MED13L: variants seen among roughly 807,000 people sequenced by gnomAD.
MED13L encodes mediator of RNA polymerase II transcription subunit 13-like.
Under a neutral mutation model 220.9 loss-of-function variants are expected in MED13L, and 7 were observed. The ratio of observed to expected loss-of-function variants is 0.03; its 90% CI spans 0.02 to 0.06. The LOEUF is 0.06. MED13L is among the 10% of genes least tolerant of loss of function. The pLI, the probability that MED13L is intolerant of heterozygous loss-of-function variation, is 1.00. For missense variants in MED13L, 1,965 were observed against 2,760.5 expected (o/e 0.71, Z 6.46); for synonymous variants, 1,011 against 1,015.2 (o/e 1.00, Z 0.08).
chr12:116,110,541 A>C (rs1873992941), intron 3 of MED13L, among the ~76,000 whole-genome samples: 1 of 152,208 alleles, frequency 6.6e-6, no homozygotes, highest in Non-Finnish European at 1.5e-5. Flanking sequence ...GTCTAAAACA[A>C]ATAAATGAAA....
chr12:116,172,998 G>C (rs1365599617), intron 2 of MED13L, among the ~76,000 whole-genome samples: 4 of 149,736 alleles, frequency 2.7e-5, no homozygotes, highest in Admixed American at 6.7e-5. Context: ...CCCAGTCCAG[G>C]AGCTAAGATG....
chr12:116,143,610 G>T (rs779303875), intron 2 of MED13L, among the ~76,000 whole-genome samples: 1 of 152,126 alleles, frequency 6.6e-6, no homozygotes, highest in Non-Finnish European at 1.5e-5. Flanking sequence ...ACTCATTTCC[G>T]TTATTCTCTG....
At chr12:116,104,766 A>T (rs945550870) in intron 3 of MED13L, among the ~76,000 whole-genome samples, 2 of 152,234 alleles carry the variant, frequency 1.3e-5, no homozygotes, top group African/African-American at 4.8e-5. Context: ...TTCTATTGAA[A>T]TTAACATATA....
chr12:116,229,486 T>G (rs1052174013), intron 2 of MED13L, among the ~76,000 whole-genome samples: 1 of 152,182 alleles, frequency 6.6e-6, no homozygotes, highest in Non-Finnish European at 1.5e-5. Context: ...CATAAGCCCT[T>G]TACATGCTAC....
chr12:116,019,705 C>A, intron 6 of MED13L, 73 bp downstream of exon 6: 2 of 1,495,158 alleles, frequency 1.3e-6, no homozygotes, highest in Non-Finnish European at 1.9e-6. Flanking sequence ...TCTGAAGAAT[C>A]TAAATGATTA....
At chr12:116,260,366 C>T (rs748294555) in intron 1 of MED13L, among the ~76,000 whole-genome samples, 2 of 152,086 alleles carry the variant, frequency 1.3e-5, no homozygotes, top group Non-Finnish European at 2.9e-5. Context: ...TCCATTTTAG[C>T]GCTTAACTGA....
chr12:116,114,026 T>C (rs1212085603), intron 2 of MED13L, among the ~76,000 whole-genome samples: 2 of 152,146 alleles, frequency 1.3e-5, no homozygotes, highest in Non-Finnish European at 2.9e-5. Context: ...CCTAAATACT[T>C]CAGCGTGCAT....
chr12:116,120,477 T>TCACACA lies in MED13L; in HGVS notation c.311-8971_311-8966dup, dbSNP rs1158069310. 6.6e-3 allele frequency among the ~76,000 whole-genome samples: 521 copies of TCACACA among 79,440 alleles called. 5 individuals carry two copies. The highest frequency in any genetic ancestry group is 7.8e-3 in the Non-Finnish European group (329 of 42,356). The allele number at this position is 79,440 out of a possible 152,430, so 52.1% of individuals were successfully genotyped here. On this transcript the variant is annotated intron_variant, in intron 2 of 30. Transcript: ENST00000281928. ...CTCTCTCTCTCTCTCTCTCTCTCTC[T>TCACACA]CACACACACACACACACACACACAC...
At chr12:116,188,464 C>T (rs535596899) in intron 2 of MED13L, among the ~76,000 whole-genome samples, 12 of 152,164 alleles carry the variant, frequency 7.9e-5, no homozygotes, top group Admixed American at 1.3e-4. Flanking sequence ...GCAAATGAGT[C>T]CCTAGCTAGT....
intron 4 of MED13L, among the ~76,000 whole-genome samples, chr12:116,036,275 T>A (rs545569500): frequency 6.6e-6 from 1 of 152,330 alleles, no homozygotes; most frequent in African/African-American, 2.4e-5. Context: ...TGAAAGAAGT[T>A]TAATCATCAA....
At position 116,096,654 on chromosome 12, in the gene MED13L, A is replaced by G; in HGVS notation, c.479+15T>C. 1.2e-6 allele frequency: 2 copies of G among 1,610,892 alleles called. No individual in the cohort carries two copies. Among genetic ancestry groups the G allele is most frequent in the South Asian group, 1.1e-5 (1 of 91,032 alleles). On this transcript the variant is annotated intron_variant, in intron 4 of 30. Coordinates refer to ENST00000281928, the MANE Select transcript of MED13L (RefSeq NM_015335.5). ...CCAAAGAAACCAAAAAGCCAAGAGC[A>G]TTCTAAAGGCTCACCTTTTGTTGAC...
intron 1 of MED13L, among the ~76,000 whole-genome samples, chr12:116,241,003 G>T (rs996104306): frequency 6.6e-6 from 1 of 152,040 alleles, no homozygotes. Flanking sequence ...GGAAGAGAAA[G>T]AAGGTAATAA....
intron 4 of MED13L, among the ~76,000 whole-genome samples, chr12:116,038,641 A>T: frequency 6.6e-6 from 1 of 150,960 alleles, no homozygotes; most frequent in East Asian, 2.0e-4. Flanking sequence ...ACAGTGGGAG[A>T]AATGACCCGC....
chr12:116,076,370 C>T (rs1192075117), intron 4 of MED13L, among the ~76,000 whole-genome samples: 1 of 152,042 alleles, frequency 6.6e-6, no homozygotes, highest in East Asian at 1.9e-4. Context: ...GACTCTATCT[C>T]TACAATAAAT....
chr12:116,270,413 G>A (rs921269703), intron 1 of MED13L, among the ~76,000 whole-genome samples: 3 of 152,042 alleles, frequency 2.0e-5, no homozygotes, highest in African/African-American at 7.2e-5. Flanking sequence ...GCAAAGTGAT[G>A]GGATTACAGG....
rs200960898 is a variant in MED13L at position 115,991,456 on chromosome 12, C to T, written c.3498G>A (p.Ala1166=). The change falls in exon 17 of 31, where the codon GCG becomes GCA. Residue 1166 remains alanine (A), a synonymous_variant. Coordinates refer to ENST00000281928, the MANE Select transcript of MED13L (RefSeq NM_015335.5). This position sits in a 1 kb window ranked among gnomAD's most constrained non-coding sequence, Gnocchi z 7.7. ...DQYRCTCGFS[A]IMNRKLGYNS... ...TGTAGCCAAGTTTGCGGTTCATAAT[C>T]GCACTAAACCCACAGGTACAGCGGT... 6.8e-6 allele frequency: 11 copies of T among 1,614,014 alleles called. No individual in the cohort carries two copies. Among genetic ancestry groups the T allele is most frequent in the Non-Finnish European group, 9.3e-6 (11 of 1,180,042 alleles).
intron 1 of MED13L, among the ~76,000 whole-genome samples, chr12:116,256,130 T>C (rs1442154589): frequency 2.0e-5 from 3 of 152,152 alleles, no homozygotes; most frequent in African/African-American, 7.2e-5. Context: ...TATTAAATGA[T>C]ACAAACATTT....
chr12:116,081,483 G>C (rs1423960653), intron 4 of MED13L, among the ~76,000 whole-genome samples: 1 of 152,012 alleles, frequency 6.6e-6, no homozygotes, highest in Non-Finnish European at 1.5e-5. Flanking sequence ...CATAAAAAAA[G>C]ATTCTACACA....
At chr12:115,970,020 A>C (rs576859829) in intron 27 of MED13L, among the ~76,000 whole-genome samples, 1 of 152,314 alleles carries the variant, frequency 6.6e-6, no homozygotes, top group South Asian at 2.1e-4. Flanking sequence ...AAAATTTGGT[A>C]TCCTTTTCCT....
Sources: allele counts gnomAD v4.1 joint callset (sites outside exome capture counted in the v4.1 genomes callset), GRCh38; gene constraint gnomAD v4.1.1; non-coding constraint Gnocchi (gnomAD v3.1); transcripts MANE v1.5; gene names NCBI Gene and HGNC (gene_info 2026-07-23, HGNC 2026-07-21).